LAMA2: variants seen among roughly 807,000 people sequenced by gnomAD.
LAMA2 encodes the protein laminin subunit alpha-2.
Under a neutral mutation model 364.8 loss-of-function variants are expected in LAMA2, and 269 were observed. The observed-to-expected ratio is 0.74, with a 90% CI of 0.67 to 0.82. The LOEUF (loss-of-function observed/expected upper bound fraction) is 0.82, where lower values mean the gene tolerates loss of function less well. Among genes scored for constraint, LAMA2 ranks in the 40% least tolerant of loss-of-function variants. The pLI, the probability that LAMA2 is intolerant of heterozygous loss-of-function variation, is 0.00. For synonymous variants in LAMA2, 1,379 were observed against 1,370.6 expected (o/e 1.01, Z -0.14); for missense variants, 3,807 against 3,873.2 (o/e 0.98, Z 0.45).
At chr6:129,385,059 AGGGAG>A in intron 35 of LAMA2, among the ~76,000 whole-genome samples, 1 of 77,034 alleles carries the variant, frequency 1.3e-5, no homozygotes, top group Non-Finnish European at 2.5e-5. Context: ...GGGGGAAGGA[AGGGAG>A]GGGAGGGAAG....
chr6:129,292,690 G>A (rs1299225127), intron 20 of LAMA2: 4 of 440,062 alleles, frequency 9.1e-6, no homozygotes, highest in Non-Finnish European at 1.2e-5. Flanking sequence ...GCATTTCTCC[G>A]ATGTCAAACT....
At chr6:128,938,525 T>C (rs1779971004) in intron 1 of LAMA2, among the ~76,000 whole-genome samples, 1 of 152,192 alleles carries the variant, frequency 6.6e-6, no homozygotes, top group Admixed American at 6.5e-5. Flanking sequence ...CATAAGATTT[T>C]TTTAAATCTA....
chr6:129,027,306 C>T (rs1354597280), intron 1 of LAMA2, among the ~76,000 whole-genome samples: 1 of 152,010 alleles, frequency 6.6e-6, no homozygotes, highest in Non-Finnish European at 1.5e-5. Context: ...TGTTAGAATC[C>T]ATATGTAATA....
intron 18 of LAMA2, among the ~76,000 whole-genome samples, chr6:129,285,809 T>C (rs1789066802): frequency 6.6e-6 from 1 of 152,164 alleles, no homozygotes; most frequent in Admixed American, 6.5e-5. Context: ...CAAATTTTAT[T>C]GCATATTTTA....
chr6:129,351,176 A>G (rs1776831727), intron 31 of LAMA2, among the ~76,000 whole-genome samples: 1 of 152,156 alleles, frequency 6.6e-6, no homozygotes, highest in South Asian at 2.1e-4. Flanking sequence ...AAGATTATCT[A>G]CAGTAATTCA....
At chr6:129,245,616 A>C (rs570084612) in intron 12 of LAMA2, among the ~76,000 whole-genome samples, 1 of 152,234 alleles carries the variant, frequency 6.6e-6, no homozygotes, top group Admixed American at 6.5e-5. Context: ...TTTTGTTAGA[A>C]TTTTTCAATG....
intron 3 of LAMA2, among the ~76,000 whole-genome samples, chr6:129,090,699 A>G (rs1774764018): frequency 6.6e-6 from 1 of 152,164 alleles, no homozygotes; most frequent in Non-Finnish European, 1.5e-5. Flanking sequence ...TGATAGATAA[A>G]TTTAGAGAGT....
chr6:129,464,203 A>G lies in LAMA2; in HGVS notation c.6993-87A>G, dbSNP rs1783415916. Reference sequence around the variant, plus strand: ...GGTATTTCCTGCCCTACAACAGCCTATAGTCTCATTGCTATTCAGTGATGC... The same window carrying G: ...GGTATTTCCTGCCCTACAACAGCCTGTAGTCTCATTGCTATTCAGTGATGC... On this transcript the variant is annotated intron_variant, in intron 49 of 64. Coordinates refer to ENST00000421865, the MANE Select transcript of LAMA2 (RefSeq NM_000426.4). 3.5e-6 allele frequency: 4 copies of G among 1,159,202 alleles called. 1 individual carries two copies. The South Asian group carries it at 3.7e-5, about 11-fold the overall frequency. The allele number at this position is 1,159,202 out of a possible 1,614,324, so 71.8% of individuals were successfully genotyped here.
chr6:129,480,280 T>G (rs1784282052), intron 54 of LAMA2, among the ~76,000 whole-genome samples: 1 of 152,186 alleles, frequency 6.6e-6, no homozygotes, highest in Admixed American at 6.5e-5. Context: ...CATTAAAGGA[T>G]TCTTTGCTTT....
chr6:129,276,964 A>G (rs1788372006), intron 17 of LAMA2, among the ~76,000 whole-genome samples: 1 of 152,174 alleles, frequency 6.6e-6, no homozygotes. Context: ...ATATATATGC[A>G]TACATATATA....
At chr6:129,023,824 A>G (rs1200519081) in intron 1 of LAMA2, among the ~76,000 whole-genome samples, 1 of 152,148 alleles carries the variant, frequency 6.6e-6, no homozygotes, top group Non-Finnish European at 1.5e-5. Context: ...ATCAATTTGC[A>G]TTATATATCT....
intron 28 of LAMA2, among the ~76,000 whole-genome samples, chr6:129,328,028 C>A (rs1476328157): frequency 2.0e-5 from 3 of 152,114 alleles, no homozygotes; most frequent in Non-Finnish European, 2.9e-5. Flanking sequence ...CTTTTTCAGG[C>A]TGAATTGTAT....
At chr6:129,126,715 A>G (rs148476491) in intron 4 of LAMA2, among the ~76,000 whole-genome samples, 2 of 152,334 alleles carry the variant, frequency 1.3e-5, no homozygotes, top group Non-Finnish European at 2.9e-5. Flanking sequence ...TAAGTTTGTA[A>G]ATTCAGAGTT....
intron 1 of LAMA2, among the ~76,000 whole-genome samples, chr6:128,971,713 T>G (rs1311215488): frequency 2.0e-5 from 3 of 152,168 alleles, no homozygotes; most frequent in Non-Finnish European, 4.4e-5. Flanking sequence ...AGATGTGATC[T>G]CTAAAGTTGA....
chr6:129,129,700 G>C (rs376966328), intron 4 of LAMA2, among the ~76,000 whole-genome samples: 27 of 151,982 alleles, frequency 1.8e-4, no homozygotes, highest in East Asian at 7.8e-4. Flanking sequence ...CGAGGCGGGC[G>C]GATCACGAGG....
Position 129,049,970 on chromosome 6 carries a change from T to A in LAMA2, c.165T>A (p.Asn55Lys). The A allele has an allele frequency of 6.2e-7, 1 of 1,613,954 alleles. No individual in the cohort carries two copies. Among genetic ancestry groups the A allele is most frequent in the Non-Finnish European group, 8.5e-7 (1 of 1,179,858 alleles). The change falls in exon 2 of 65, where the codon AAT becomes AAA. Residue 55 changes from asparagine to lysine, a missense_variant. Physicochemically the swap from Asn to Lys is moderately conservative, Grantham distance 94. Coordinates refer to ENST00000421865, the MANE Select transcript of LAMA2 (RefSeq NM_000426.4). ...NLASNALITT[N>K]ATCGEKGPEM... ...CTTCTAATGCTCTTATCACGACCAA[T>A]GCAACATGTGGAGAAAAAGGACCTG...
chr6:129,112,053 G>A (rs1465582307), intron 4 of LAMA2, among the ~76,000 whole-genome samples: 2 of 151,868 alleles, frequency 1.3e-5, no homozygotes, highest in African/African-American at 4.8e-5. Flanking sequence ...GATGTTCATT[G>A]TATCTGGAGT....
chr6:129,398,294 T>A (rs1211389106), intron 37 of LAMA2, among the ~76,000 whole-genome samples: 1 of 152,092 alleles, frequency 6.6e-6, no homozygotes, highest in Non-Finnish European at 1.5e-5. Flanking sequence ...ATATGACTTG[T>A]AATCAGGGAG....
At chr6:129,083,865 A>T (rs759771524) in intron 3 of LAMA2, among the ~76,000 whole-genome samples, 1 of 152,198 alleles carries the variant, frequency 6.6e-6, no homozygotes, top group Admixed American at 6.5e-5. Flanking sequence ...TGATCTAGGT[A>T]TTTCACATGT....
Sources: allele counts gnomAD v4.1 joint callset (sites outside exome capture counted in the v4.1 genomes callset), GRCh38; gene constraint gnomAD v4.1.1; transcripts MANE v1.5; gene names NCBI Gene and HGNC (gene_info 2026-07-23, HGNC 2026-07-21).